PKNOX2: variants seen among roughly 807,000 people sequenced by gnomAD.
PKNOX2 encodes homeobox protein PKNOX2.
PKNOX2 carries 14 observed loss-of-function variants against 53.1 expected under a neutral mutation model. That is an observed-to-expected ratio of 0.26 (90% CI 0.17 to 0.41). The LOEUF (loss-of-function observed/expected upper bound fraction) is 0.41, where lower values mean the gene tolerates loss of function less well. Ranked by LOEUF, PKNOX2 falls within the 10% of genes least tolerant of loss-of-function variation. PKNOX2 has a pLI of 1.00. For missense variants in PKNOX2, 496 were observed against 602.8 expected (o/e 0.82, Z 1.85); for synonymous variants, 257 against 242.8 (o/e 1.06, Z -0.54).
At chr11:125,301,314 G>A (rs373824824) in intron 2 of PKNOX2, among the ~76,000 whole-genome samples, 2 of 152,014 alleles carry the variant, frequency 1.3e-5, no homozygotes, top group East Asian at 1.9e-4. Flanking sequence ...TGCCCCGGGG[G>A]CAACTAAAGC....
At chr11:125,376,327 T>A (rs766547820) in intron 5 of PKNOX2, among the ~76,000 whole-genome samples, 10 of 152,168 alleles carry the variant, frequency 6.6e-5, no homozygotes, top group Non-Finnish European at 1.3e-4. Context: ...CCCGCATGGT[T>A]TCAACGTCAC....
intron 6 of PKNOX2, among the ~76,000 whole-genome samples, chr11:125,393,108 C>G (rs544527035): frequency 6.8e-6 from 1 of 146,938 alleles, no homozygotes; most frequent in South Asian, 2.2e-4. Context: ...TGCAGTGAGT[C>G]GAGATCGCGC....
At chr11:125,211,278 G>C (rs903077050) in intron 1 of PKNOX2, among the ~76,000 whole-genome samples, 2 of 152,068 alleles carry the variant, frequency 1.3e-5, no homozygotes, top group African/African-American at 4.8e-5. Flanking sequence ...TCTCAATCTG[G>C]AACATTACCT....
chr11:125,236,016 C>T (rs1404482454), intron 2 of PKNOX2, among the ~76,000 whole-genome samples: 4 of 152,194 alleles, frequency 2.6e-5, no homozygotes, highest in East Asian at 1.9e-4. Flanking sequence ...GTTGCTGCCG[C>T]GACTTTGATA....
intron 3 of PKNOX2, among the ~76,000 whole-genome samples, chr11:125,341,171 G>A (rs11220029): frequency 0.14 from 20,936 of 151,122 alleles, 3,191 homozygotes; most frequent in African/African-American, 0.38. Flanking sequence ...AGCCTGGCCA[G>A]CATGGTGAAA....
intron 2 of PKNOX2, among the ~76,000 whole-genome samples, chr11:125,270,258 C>A (rs531033719): frequency 6.6e-6 from 1 of 152,206 alleles, no homozygotes; most frequent in African/African-American, 2.4e-5. Flanking sequence ...TCCTACAAAC[C>A]GAATGACTGG....
At chr11:125,336,429 A>G (rs1167773680) in intron 3 of PKNOX2, among the ~76,000 whole-genome samples, 2 of 151,546 alleles carry the variant, frequency 1.3e-5, no homozygotes, top group Non-Finnish European at 2.9e-5. Context: ...TATTACTTTG[A>G]TAAGTTTTTA....
At chr11:125,346,079 C>T (rs1023330716) in intron 3 of PKNOX2, among the ~76,000 whole-genome samples, 1 of 149,526 alleles carries the variant, frequency 6.7e-6, no homozygotes. Context: ...ACTAATGCAG[C>T]TTTTCGGTCC....
At chr11:125,249,423 G>A (rs1228362714) in intron 2 of PKNOX2, among the ~76,000 whole-genome samples, 1 of 152,080 alleles carries the variant, frequency 6.6e-6, no homozygotes, top group Non-Finnish European at 1.5e-5. Context: ...TCAATCAACA[G>A]CAGATGAAAA....
chr11:125,199,135 C>G (rs1012330903), intron 1 of PKNOX2, among the ~76,000 whole-genome samples: 4 of 152,220 alleles, frequency 2.6e-5, no homozygotes, highest in Non-Finnish European at 5.9e-5. Context: ...GCCCCCACGC[C>G]CAGCCTTCTT....
intron 2 of PKNOX2, among the ~76,000 whole-genome samples, chr11:125,302,237 A>G (rs976656991): frequency 7.2e-5 from 11 of 152,196 alleles, no homozygotes; most frequent in African/African-American, 2.4e-4. Flanking sequence ...CAGGTGATGT[A>G]AATTGAAAGG....
At chr11:125,188,228 C>T (rs1956572111) in intron 1 of PKNOX2, 1 of 152,174 alleles carries the variant, frequency 6.6e-6, no homozygotes, top group African/African-American at 2.4e-5. Context: ...GTTTTCTATC[C>T]AGTCATTCTC....
chr11:125,306,476 T>A (rs1434328150), intron 2 of PKNOX2, among the ~76,000 whole-genome samples: 1 of 152,230 alleles, frequency 6.6e-6, no homozygotes, highest in Non-Finnish European at 1.5e-5. Flanking sequence ...TTTCTTTTCT[T>A]TCCATCAAAG....
intron 2 of PKNOX2, among the ~76,000 whole-genome samples, chr11:125,280,330 C>A (rs925615550): frequency 2.0e-5 from 3 of 152,172 alleles, no homozygotes; most frequent in Admixed American, 6.5e-5. Flanking sequence ...CTTATAACCA[C>A]CCCTCTCAAC....
intron 4 of PKNOX2, among the ~76,000 whole-genome samples, chr11:125,354,423 C>A (rs1167781502): frequency 2.0e-5 from 3 of 152,298 alleles, no homozygotes; most frequent in East Asian, 1.9e-4. Context: ...GAGCACACCT[C>A]TCCATCACCT....
chr11:125,260,978 C>A (rs1254898548), intron 2 of PKNOX2, among the ~76,000 whole-genome samples: 5 of 152,302 alleles, frequency 3.3e-5, no homozygotes, highest in Admixed American at 6.5e-5. Flanking sequence ...AGCATCTCAC[C>A]TTCCTGGGCC....
Position 125,397,869 on chromosome 11 carries a change from C to T in PKNOX2, c.400-5C>T, listed in dbSNP as rs1331072740. On this transcript the variant is annotated splice_region_variant and splice_polypyrimidine_tract_variant and intron_variant, in intron 6 of 12. Transcript: ENST00000298282. The stretch of plus-strand genomic sequence containing the variant: ...CCTGGGCTCACCTCTCCTCCCTCTC[C>T]ACAGATGGTGAAGGCAATCCAGGTC... The T allele has an allele frequency of 6.2e-7, 1 of 1,606,312 alleles. No individual in the cohort carries two copies. Among genetic ancestry groups the T allele is most frequent in the South Asian group, 1.1e-5 (1 of 88,738 alleles).
chr11:125,355,223 C>T (rs1479833213), intron 4 of PKNOX2, among the ~76,000 whole-genome samples: 8 of 149,170 alleles, frequency 5.4e-5, no homozygotes, highest in Non-Finnish European at 5.9e-5. Context: ...GCCAAGATTG[C>T]GCCACTGCAC....
chr11:125,423,508 G>C (rs941349987), intron 10 of PKNOX2, among the ~76,000 whole-genome samples: 2 of 152,136 alleles, frequency 1.3e-5, no homozygotes, highest in African/African-American at 4.8e-5. Flanking sequence ...CACAGGAAAT[G>C]GTGAGAAGTA....
Sources: gnomAD v4.1 joint callset for allele counts (sites outside exome capture counted in the v4.1 genomes callset) on GRCh38, gnomAD v4.1.1 for gene constraint, MANE v1.5 for transcripts, NCBI Gene and HGNC (gene_info 2026-07-23, HGNC 2026-07-21) for gene names.